PHTF2: variants seen among roughly 807,000 people sequenced by gnomAD.
PHTF2 encodes protein PHTF2.
PHTF2 carries 60 observed loss-of-function variants against 101.2 expected under a neutral mutation model. That is an observed-to-expected ratio of 0.59 (90% CI 0.48 to 0.73). The LOEUF (loss-of-function observed/expected upper bound fraction) is 0.73, where lower values mean the gene tolerates loss of function less well. Among genes scored for constraint, PHTF2 ranks in the 30% least tolerant of loss-of-function variants. PHTF2 has a pLI of 0.00. For missense variants in PHTF2, 747 were observed against 908.7 expected (o/e 0.82, Z 2.29); for synonymous variants, 311 against 307.3 (o/e 1.01, Z -0.13).
At chr7:77,886,233 G>A (rs148211948) in intron 3 of PHTF2, among the ~76,000 whole-genome samples, 134 of 152,262 alleles carry the variant, frequency 8.8e-4, no homozygotes, top group African/African-American at 2.9e-3. Context: ...TTAGATAGCC[G>A]AAGAGTAGCT....
chr7:77,907,940 G>A (rs1247369436), intron 7 of PHTF2: 3 of 152,114 alleles, frequency 2.0e-5, no homozygotes, highest in Non-Finnish European at 4.4e-5. Context: ...CTTTGGTCTT[G>A]CTGGTCACAT....
chr7:77,849,277 C>A (rs1796549420), intron 2 of PHTF2, among the ~76,000 whole-genome samples: 1 of 151,562 alleles, frequency 6.6e-6, no homozygotes, highest in African/African-American at 2.4e-5. Flanking sequence ...GCATGCGCCA[C>A]CATGCCTGGC....
intron 13 of PHTF2, chr7:77,938,159 T>C (rs1391505899): frequency 6.5e-6 from 1 of 154,118 alleles, no homozygotes; most frequent in Non-Finnish European, 1.4e-5. Context: ...TTCTTTGGAC[T>C]AGAGATTGTT....
At chr7:77,944,555 A>G (rs1805890197) in intron 16 of PHTF2, among the ~76,000 whole-genome samples, 1 of 152,226 alleles carries the variant, frequency 6.6e-6, no homozygotes, top group Admixed American at 6.5e-5. Flanking sequence ...GATACCTGAC[A>G]GAAGCAAAAC....
intron 1 of PHTF2, among the ~76,000 whole-genome samples, chr7:77,807,351 C>CTGGAACAATATTG (rs1258669248): frequency 6.6e-6 from 1 of 151,442 alleles, no homozygotes; most frequent in Non-Finnish European, 1.5e-5. Flanking sequence ...TGTTCCACAT[C>CTGGAACAATATTG]TTCATCAATA....
intron 11 of PHTF2, chr7:77,923,516 G>T: frequency 1.0e-6 from 1 of 983,636 alleles, no homozygotes; most frequent in South Asian, 4.7e-5. Flanking sequence ...AAGATTAGAA[G>T]AGTTACTATT....
intron 1 of PHTF2, among the ~76,000 whole-genome samples, chr7:77,815,181 T>C (rs980843318): frequency 3.9e-5 from 6 of 152,128 alleles, no homozygotes; most frequent in Non-Finnish European, 8.8e-5. Context: ...ATAATAGCTG[T>C]CTTATTTAAG....
intron 2 of PHTF2, among the ~76,000 whole-genome samples, chr7:77,850,220 G>C (rs1298520925): frequency 6.7e-6 from 1 of 150,278 alleles, no homozygotes; most frequent in Non-Finnish European, 1.5e-5. Context: ...AAATCCAGGT[G>C]TGGTGGCATG....
At chr7:77,935,617 T>C (rs190453835) in intron 12 of PHTF2, among the ~76,000 whole-genome samples, 1 of 152,198 alleles carries the variant, frequency 6.6e-6, no homozygotes, top group African/African-American at 2.4e-5. Context: ...AGATGCTGGA[T>C]AGAGTAATTG....
chr7:77,843,046 G>A (rs1796009386), intron 2 of PHTF2, among the ~76,000 whole-genome samples: 1 of 152,164 alleles, frequency 6.6e-6, no homozygotes, highest in South Asian at 2.1e-4. Context: ...GATATTTCAT[G>A]TTTTGAAGCA....
chr7:77,879,106 T>TGAA (rs1799187695), intron 3 of PHTF2, among the ~76,000 whole-genome samples: 3 of 152,230 alleles, frequency 2.0e-5, no homozygotes, highest in Admixed American at 1.3e-4. Flanking sequence ...TTCCTATTCC[T>TGAA]GTACATTTTA....
intron 2 of PHTF2, among the ~76,000 whole-genome samples, chr7:77,843,043 C>T (rs959380405): frequency 6.6e-6 from 1 of 152,136 alleles, no homozygotes; most frequent in Admixed American, 6.5e-5. Context: ...AATGATATTT[C>T]ATGTTTTGAA....
intron 1 of PHTF2, among the ~76,000 whole-genome samples, chr7:77,801,778 C>T (rs4400309): frequency 0.021 from 3,154 of 152,176 alleles, 88 homozygotes; most frequent in African/African-American, 0.071. Flanking sequence ...TTACAAAATC[C>T]AAAATCCAAA....
intron 3 of PHTF2, among the ~76,000 whole-genome samples, chr7:77,871,208 T>C (rs1372903174): frequency 6.6e-6 from 1 of 152,176 alleles, no homozygotes; most frequent in African/African-American, 2.4e-5. Flanking sequence ...ATTGGGCTGT[T>C]GTAGTTTCCC....
chr7:77,896,818 A>G (rs1454071262), intron 5 of PHTF2, among the ~76,000 whole-genome samples: 3 of 152,294 alleles, frequency 2.0e-5, no homozygotes, highest in Middle Eastern at 3.4e-3. Flanking sequence ...TACCAAATGT[A>G]TTGAGTTTGT....
At chr7:77,900,924 C>A in intron 6 of PHTF2, 144 bp downstream of exon 5, 1 of 583,634 alleles carries the variant, frequency 1.7e-6, no homozygotes, top group South Asian at 2.0e-5. Flanking sequence ...AGAAAAGAGG[C>A]TTAATTGGTT....
intron 9 of PHTF2, among the ~76,000 whole-genome samples, chr7:77,919,875 A>G (rs1338580051): frequency 6.6e-6 from 1 of 152,192 alleles, no homozygotes; most frequent in Non-Finnish European, 1.5e-5. Flanking sequence ...AAAGGAATTT[A>G]TCAAACTAAG....
At chr7:77,925,591 C>A (rs1039703543) in intron 11 of PHTF2, among the ~76,000 whole-genome samples, 1 of 142,398 alleles carries the variant, frequency 7.0e-6, no homozygotes, top group Non-Finnish European at 1.5e-5. Flanking sequence ...CTCACTGCAA[C>A]CTCCGCCTCC....
intron 5 of PHTF2, among the ~76,000 whole-genome samples, chr7:77,899,798 A>G (rs1342304112): frequency 6.6e-6 from 1 of 152,190 alleles, no homozygotes; most frequent in Non-Finnish European, 1.5e-5. Context: ...GCTTAATTGA[A>G]TGAATAAAAA....
Sources: allele counts gnomAD v4.1 joint callset (sites outside exome capture counted in the v4.1 genomes callset), GRCh38; gene constraint gnomAD v4.1.1; transcripts MANE v1.5; gene names NCBI Gene and HGNC (gene_info 2026-07-23, HGNC 2026-07-21).